Variants in TBC1D24 observed in about 807,000 individuals in gnomAD.
TBC1D24 encodes the protein TBC1 domain family member 24, also known as Infantile myoclonic epilepsy.
A neutral mutation model predicts 50.7 loss-of-function variants in TBC1D24; 47 were observed. That is an observed-to-expected ratio of 0.93 (90% CI 0.73 to 1.18). TBC1D24 has a LOEUF of 1.18. TBC1D24 is among the 50% of genes most tolerant of loss of function. The probability of loss-of-function intolerance (pLI) is 0.00; values close to 1 mark genes in which losing one functional copy is unlikely to be tolerated. For synonymous variants in TBC1D24, 324 were observed against 335.2 expected (o/e 0.97, Z 0.36); for missense variants, 688 against 766.5 (o/e 0.90, Z 1.21).
At position 2,486,757 on chromosome 16, in the gene TBC1D24, G is replaced by A. The variant is rs549762370; in HGVS notation, c.-115-9277G>A. Among the ~76,000 whole-genome samples the A allele has an allele frequency of 6.6e-6, 1 of 152,306 alleles. No individual in the cohort carries two copies. Among genetic ancestry groups the A allele is most frequent in the African/African-American group, 2.4e-5 (1 of 41,570 alleles). On this transcript the variant is annotated intron_variant, in intron 1 of 7. Coordinates refer to ENST00000646147, the MANE Select transcript of TBC1D24 (RefSeq NM_001199107.2). The surrounding 1 kb of genome is among the most constrained non-coding windows in gnomAD (Gnocchi z 5.8). ...CCTAAGAAGCATCTGTATCGAAACTGGCTTTGAAAACTTCACAGTGGAGCT... is the reference window on the plus strand; with the variant it reads ...CCTAAGAAGCATCTGTATCGAAACTAGCTTTGAAAACTTCACAGTGGAGCT...
rs1310531949 is a variant in TBC1D24 at position 2,496,979 on chromosome 16, GA to G, written c.833del (p.Lys278ArgfsTer34). The G allele has an allele frequency of 6.2e-7, 1 of 1,613,860 alleles. No individual in the cohort carries two copies. The highest frequency in any genetic ancestry group is 2.2e-5 in the East Asian group (1 of 44,906). ...TCCGCACGTTCGTCAGAGACATCGCGAAGACGGTGTCCCCTGAGAAGCTGCT... is the reference window on the plus strand; with the variant it reads ...TCCGCACGTTCGTCAGAGACATCGCGAGACGGTGTCCCCTGAGAAGCTGCT... ...DIRTFVRDIA[K>X]TVSPEKLLEK... On this transcript the variant is annotated frameshift_variant, in exon 2 of 8. Transcript: ENST00000646147. LOFTEE classifies it high-confidence loss of function.
chr16:2,492,608 G>A lies in TBC1D24; in HGVS notation c.-115-3426G>A, dbSNP rs370789567. On this transcript the variant is annotated intron_variant, in intron 1 of 7. Transcript: ENST00000646147. The stretch of plus-strand genomic sequence containing the variant: ...TAAGCTGTGGATAACCGACCGACAC[G>A]TGTAAGATTGTGCAGTGTGACCCAG... Among the ~76,000 whole-genome samples the A allele has an allele frequency of 6.6e-5, 10 of 152,190 alleles. No homozygotes were observed. The East Asian group carries it at 1.3e-3, about 20-fold the overall frequency.
In TBC1D24 at chr16:2,487,876, C is replaced by G. The variant is rs532465664; in HGVS notation, c.-115-8158C>G. Among the ~76,000 whole-genome samples the G allele has an allele frequency of 6.6e-6, 1 of 152,254 alleles. No individual in the cohort carries two copies. Among genetic ancestry groups the G allele is most frequent in the East Asian group, 1.9e-4 (1 of 5,184 alleles). The stretch of plus-strand genomic sequence containing the variant: ...CCTGTGCTCAGGGACCCTCTGGAGC[C>G]TCTCTCGGAGGTCCTCGCTGTCCCA... On this transcript the variant is annotated intron_variant, in intron 1 of 7. Transcript: ENST00000646147. The surrounding 1 kb of genome is among the most constrained non-coding windows in gnomAD (Gnocchi z 4.1).
Position 2,496,696 on chromosome 16 carries a change from T to C in TBC1D24, c.548T>C (p.Phe183Ser). 3 of 1,613,548 alleles carry C rather than the reference T, an allele frequency of 1.9e-6. No individual in the cohort carries two copies. Among genetic ancestry groups the C allele is most frequent in the Non-Finnish European group, 2.5e-6 (3 of 1,180,034 alleles). ...GCCTTTGAGTCGTCCTGCATGACGT[T>C]TGGGGACCTGGTGAACAAGTACTGC... ...FLAFESSCMT[F>S]GDLVNKYCQA... The change falls in exon 2 of 8, where the codon TTT becomes TCT. Residue 183 changes from phenylalanine (F) to serine (S), a missense_variant. Phe to Ser is a radical substitution (Grantham distance 155). Coordinates refer to ENST00000646147, the MANE Select transcript of TBC1D24 (RefSeq NM_001199107.2).
At position 2,496,449 on chromosome 16, in the gene TBC1D24, G is replaced by C; in HGVS notation, c.301G>C (p.Val101Leu). Reference sequence around the variant, plus strand: ...GCCCGAGTTCGTGGACAACACGCAGGTGCCCAGCTACTGCCTGAATGCACG... The same window carrying C: ...GCCCGAGTTCGTGGACAACACGCAGCTGCCCAGCTACTGCCTGAATGCACG... ...PLPEFVDNTQVPSYCLNARGE... is the reference protein window; with the variant it reads ...PLPEFVDNTQLPSYCLNARGE... The change falls in exon 2 of 8, where the codon GTG becomes CTG. Residue 101 changes from valine (V) to leucine (L), a missense_variant. Coordinates refer to ENST00000646147, the MANE Select transcript of TBC1D24 (RefSeq NM_001199107.2). 1 of 1,612,548 alleles carries C rather than the reference G, an allele frequency of 6.2e-7. No individual in the cohort carries two copies. Among genetic ancestry groups the C allele is most frequent in the Non-Finnish European group, 8.5e-7 (1 of 1,179,962 alleles).
Position 2,475,736 on chromosome 16 carries a change from G to A in TBC1D24, c.-116+566G>A, listed in dbSNP as rs1355045878. 6.6e-6 allele frequency among the ~76,000 whole-genome samples: 1 copy of A among 152,158 alleles called. No homozygotes were observed. The highest frequency in any genetic ancestry group is 1.9e-4 in the East Asian group (1 of 5,172). On this transcript the variant is annotated intron_variant, in intron 1 of 7. Coordinates refer to ENST00000646147, the MANE Select transcript of TBC1D24 (RefSeq NM_001199107.2). The surrounding 1 kb of genome is among the most constrained non-coding windows in gnomAD (Gnocchi z 4.2). ...GTGCCAGGCGGCCGCTGTCCTTCGG[G>A]CCCTGGGAGGTGGAAGCCAGGGACT...
intron 4 of TBC1D24, among the ~76,000 whole-genome samples, chr16:2,498,984 C>G (rs955196631): frequency 2.0e-5 from 3 of 152,250 alleles, no homozygotes; most frequent in African/African-American, 7.2e-5. Flanking sequence ...ACCAGCCAAG[C>G]TCCAGGCGCC....
chr16:2,476,664 A>G (rs771835227), intron 1 of TBC1D24: 3 of 152,296 alleles, frequency 2.0e-5, no homozygotes, highest in Non-Finnish European at 4.4e-5. Context: ...CAGCCTGGCC[A>G]GGGCCGGACC....
rs762555972 is a variant in TBC1D24, at chr16:2,489,632, A to AT, written c.-115-6400dup. On this transcript the variant is annotated intron_variant, in intron 1 of 7. Coordinates refer to ENST00000646147, the MANE Select transcript of TBC1D24 (RefSeq NM_001199107.2). ...GGGCAGCTTGGCTGTGGAGAGAGGC[A>AT]TTAGGAGGGGACGGTGGCCTGTGAG... Among the ~76,000 whole-genome samples, 491 of 152,236 alleles carry AT rather than the reference A, an allele frequency of 3.2e-3. 2 individuals carry two copies. Among genetic ancestry groups the AT allele is most frequent in the Non-Finnish European group, 4.9e-3 (334 of 68,004 alleles).
chr16:2,500,031 G>A lies in TBC1D24; in HGVS notation c.1302+101G>A, dbSNP rs1348238284. On this transcript the variant is annotated intron_variant, in intron 6 of 7. Coordinates refer to ENST00000646147, the MANE Select transcript of TBC1D24 (RefSeq NM_001199107.2). This position sits in a 1 kb window ranked among gnomAD's most constrained non-coding sequence, Gnocchi z 8.0. ...TGGGGACACTGTTGGGTGTCGCCAT[G>A]GCAGTCACCCAGCAGCGTCATCGCC... The A allele has an allele frequency of 7.4e-5, 84 of 1,131,582 alleles. No homozygotes were observed. Among genetic ancestry groups the A allele is most frequent in the Non-Finnish European group, 1.1e-4 (82 of 741,380 alleles). The allele number at this position is 1,131,582 out of a possible 1,614,324, so 70.1% of individuals were successfully genotyped here.
At position 2,499,893 on chromosome 16, in the gene TBC1D24, T is replaced by C. The variant is rs2065776271; in HGVS notation, c.1265T>C (p.Leu422Pro). 6.2e-7 allele frequency: 1 copy of C among 1,613,924 alleles called. No individual in the cohort carries two copies. Among genetic ancestry groups the C allele is most frequent in the African/African-American group, 1.3e-5 (1 of 74,870 alleles). ...WSERNKFGGK[L>P]GFFGTGECFV... ...GAGAGAAATAAGTTTGGAGGCAAAC[T>C]GGGCTTCTTTGGGACCGGAGAATGC... Residue 422 changes from leucine to proline, a missense_variant, in exon 6 of 8, where the codon CTG (leucine) becomes CCG (proline). Transcript: ENST00000646147. This position sits in a 1 kb window ranked among gnomAD's most constrained non-coding sequence, Gnocchi z 4.0.
chr16:2,490,862 T>G (rs1037838281), intron 1 of TBC1D24, among the ~76,000 whole-genome samples: 1 of 152,218 alleles, frequency 6.6e-6, no homozygotes, highest in African/African-American at 2.4e-5. Flanking sequence ...CCTCCGGCTC[T>G]GCACCTTTGT....
At chr16:2,498,099 G>T (rs2065758922) in intron 3 of TBC1D24, 139 bp from the exon 4 acceptor site, 2 of 1,154,152 alleles carry the variant, frequency 1.7e-6, no homozygotes, top group Non-Finnish European at 2.5e-6. Flanking sequence ...CTAGAACCCG[G>T]CCCTAAACCG....
Position 2,485,335 on chromosome 16 carries a change from T to C in TBC1D24, c.-116+10165T>C, listed in dbSNP as rs1365386640. 1 of 152,110 alleles carries C rather than the reference T, an allele frequency of 6.6e-6. No individual in the cohort carries two copies. Among genetic ancestry groups the C allele is most frequent in the Non-Finnish European group, 1.5e-5 (1 of 68,014 alleles). 9.4% of individuals were successfully genotyped at this position (152,110 alleles called of 1,614,324 possible). A position where few individuals can be genotyped will look rare whatever the true frequency, so the allele number is the denominator to read the frequency against. Reference sequence around the variant, plus strand: ...GTTGATTGCCAGTGGGGTAATCAGTTATGCCTACTTAACAAGGGCTCCATG... The same window carrying C: ...GTTGATTGCCAGTGGGGTAATCAGTCATGCCTACTTAACAAGGGCTCCATG... On this transcript the variant is annotated intron_variant, in intron 1 of 7. Transcript: ENST00000646147. The surrounding 1 kb of genome is among the most constrained non-coding windows in gnomAD (Gnocchi z 4.6).
chr16:2,498,543 C>A, intron 4 of TBC1D24, 147 bp downstream of exon 4: 1 of 786,300 alleles, frequency 1.3e-6, no homozygotes, highest in Non-Finnish European at 2.0e-6. Context: ...CCTTTCTGGG[C>A]TCTGTCCTCC....
In TBC1D24 at chr16:2,485,784, G is replaced by A. The variant is rs2065644699; in HGVS notation, c.-115-10250G>A. Among the ~76,000 whole-genome samples the A allele has an allele frequency of 6.6e-6, 1 of 152,220 alleles. No individual in the cohort carries two copies. Among genetic ancestry groups the A allele is most frequent in the Non-Finnish European group, 1.5e-5 (1 of 68,032 alleles). On this transcript the variant is annotated intron_variant, in intron 1 of 7. Transcript: ENST00000646147. The surrounding 1 kb of genome is among the most constrained non-coding windows in gnomAD (Gnocchi z 4.6). ...GAGAAACCCCCGCATCTTCTGGGTC[G>A]CAGATCCTGTGCCGATTGCGGTGCT...
Position 2,500,709 on chromosome 16 carries a change from G to A in TBC1D24, c.1526-95G>A. The stretch of plus-strand genomic sequence containing the variant: ...CAACGGTCTGTGCGGTTTCAGAGAG[G>A]CCCGTGCAGGGCAGGACAGCTGGGA... On this transcript the variant is annotated intron_variant, in intron 7 of 7. Transcript: ENST00000646147. The surrounding 1 kb of genome is among the most constrained non-coding windows in gnomAD (Gnocchi z 8.0). The A allele has an allele frequency of 2.0e-6, 3 of 1,485,326 alleles. 1 individual carries two copies. Among genetic ancestry groups the A allele is most frequent in the South Asian group, 2.6e-5 (2 of 78,298 alleles). 92.0% of individuals were successfully genotyped at this position (1,485,326 alleles called of 1,614,324 possible).
Position 2,499,548 on chromosome 16 carries a change from G to C in TBC1D24, c.1206+128G>C. ...TGGGCCAGATCCAGAGTCAGAGCGT[G>C]GGTATGGCCAGCACATGGGGCTCAT... On this transcript the variant is annotated intron_variant, in intron 5 of 7. Transcript: ENST00000646147. The surrounding 1 kb of genome is among the most constrained non-coding windows in gnomAD (Gnocchi z 4.0). The C allele has an allele frequency of 1.1e-6, 1 of 870,744 alleles. No individual in the cohort carries two copies. Among genetic ancestry groups the C allele is most frequent in the Non-Finnish European group, 1.9e-6 (1 of 535,408 alleles). 53.9% of individuals were successfully genotyped at this position (870,744 alleles called of 1,614,324 possible).
intron 1 of TBC1D24, among the ~76,000 whole-genome samples, 165 bp from the exon 2 acceptor site, chr16:2,495,869 G>A (rs2065732496): frequency 6.6e-6 from 1 of 152,014 alleles, no homozygotes. Flanking sequence ...AGCCATTCAA[G>A]GCTGCAGAGA....
Sources: gnomAD v4.1 joint callset for allele counts (sites outside exome capture counted in the v4.1 genomes callset) on GRCh38, gnomAD v4.1.1 for gene constraint, Gnocchi (gnomAD v3.1) non-coding constraint, MANE v1.5 for transcripts, NCBI Gene and HGNC (gene_info 2026-07-23, HGNC 2026-07-21) for gene names.